Variants in PYGB observed in about 807,000 individuals in gnomAD.
PYGB encodes the protein glycogen phosphorylase B.
PYGB carries 82 observed loss-of-function variants against 94.3 expected under a neutral mutation model. That is an observed-to-expected ratio of 0.87 (90% CI 0.73 to 1.04). The LOEUF is 1.04. PYGB is among the 50% of genes least tolerant of loss of function. The pLI is 0.00. For missense variants in PYGB, 1,132 were observed against 1,158.2 expected (o/e 0.98, Z 0.33); for synonymous variants, 488 against 479.1 (o/e 1.02, Z -0.24).
chr20:25,287,068 GTCCAGGGTGGCCGCTCA>G (rs1177407153), intron 14 of PYGB, among the ~76,000 whole-genome samples: 1 of 152,362 alleles, frequency 6.6e-6, no homozygotes, highest in East Asian at 1.9e-4. Flanking sequence ...GTGAACGCCT[GTCCAGGGTGGCCGCTCA>G]TCCCCTTTTT....
chr20:25,275,958 C>G (rs2088307418), intron 5 of PYGB, among the ~76,000 whole-genome samples: 1 of 152,226 alleles, frequency 6.6e-6, no homozygotes, highest in Admixed American at 6.5e-5. Context: ...CCGGGATGAA[C>G]CCAAGCATCC....
At chr20:25,293,462 T>G (rs1026929850) in intron 17 of PYGB, among the ~76,000 whole-genome samples, 1 of 152,210 alleles carries the variant, frequency 6.6e-6, no homozygotes, top group Admixed American at 6.5e-5. Flanking sequence ...CGGGCCTGAT[T>G]CCAAGCGATA....
chr20:25,250,314 C>G (rs942424645), intron 1 of PYGB, among the ~76,000 whole-genome samples: 1 of 152,200 alleles, frequency 6.6e-6, no homozygotes, highest in Non-Finnish European at 1.5e-5. Context: ...GCGATGGGCT[C>G]AGGGATTACG....
chr20:25,288,112 C>G, intron 14 of PYGB: 1 of 485,556 alleles, frequency 2.1e-6, no homozygotes, highest in Non-Finnish European at 3.8e-6. Context: ...TCCTCTGAGC[C>G]CCGGGGAATA....
At chr20:25,283,087 TG>T in intron 12 of PYGB, 88 bp from the exon 13 acceptor site, 2 of 1,096,536 alleles carry the variant, frequency 1.8e-6, no homozygotes, top group Non-Finnish European at 1.4e-6. Flanking sequence ...AGCAGGGGCG[TG>T]GGCAACAATG....
At chr20:25,296,306 C>A in intron 19 of PYGB, 64 bp from the exon 20 acceptor site, 1 of 1,583,648 alleles carries the variant, frequency 6.3e-7, no homozygotes, top group Admixed American at 1.7e-5. Flanking sequence ...GTTCTGGAAT[C>A]CCATGTTTTT....
At chr20:25,255,691 C>G (rs1052656933) in intron 1 of PYGB, among the ~76,000 whole-genome samples, 1 of 151,908 alleles carries the variant, frequency 6.6e-6, no homozygotes, top group African/African-American at 2.4e-5. Flanking sequence ...CCAGATCTGC[C>G]TGTAGAATGA....
intron 1 of PYGB, among the ~76,000 whole-genome samples, chr20:25,258,412 G>A (rs999169419): frequency 2.0e-5 from 3 of 152,242 alleles, no homozygotes; most frequent in African/African-American, 7.2e-5. Flanking sequence ...ATCAGAAAGT[G>A]TTTGGCCCCT....
intron 17 of PYGB, among the ~76,000 whole-genome samples, chr20:25,292,909 C>G (rs986608474): frequency 1.3e-5 from 2 of 151,930 alleles, no homozygotes; most frequent in Non-Finnish European, 2.9e-5. Context: ...AGGCCTTTTC[C>G]CCTGGGGAGG....
At chr20:25,274,302 G>A (rs1037993496) in intron 4 of PYGB, among the ~76,000 whole-genome samples, 2 of 152,176 alleles carry the variant, frequency 1.3e-5, no homozygotes, top group African/African-American at 2.4e-5. Context: ...CTGAGTGTAG[G>A]TTTTTCAAGC....
In PYGB at chr20:25,296,596, A is replaced by G; in HGVS notation, c.*74A>G. 6.6e-7 allele frequency: 1 copy of G among 1,522,950 alleles called. No individual in the cohort carries two copies. Among genetic ancestry groups the G allele is most frequent in the South Asian group, 1.2e-5 (1 of 80,234 alleles). The allele number at this position is 1,522,950 out of a possible 1,614,324, so 94.3% of individuals were successfully genotyped here. A position where few individuals can be genotyped will look rare whatever the true frequency, so the allele number is the denominator to read the frequency against. ...TTTGCACCTCCTTTTTTCCCCAAAC[A>G]CTTTGCCAGCCACTGGTGGTCCCTG... On this transcript the variant is annotated 3_prime_UTR_variant, in exon 20 of 20. Coordinates refer to ENST00000216962, the MANE Select transcript of PYGB (RefSeq NM_002862.4).
At chr20:25,289,946 C>T (rs749833527) in intron 15 of PYGB, 5 of 533,548 alleles carry the variant, frequency 9.4e-6, no homozygotes, top group South Asian at 7.0e-5. Flanking sequence ...TCATGGGTCC[C>T]CTGCCCAGTT....
At position 25,280,333 on chromosome 20, in the gene PYGB, G is replaced by A. The variant is rs974654301; in HGVS notation, c.1160G>A (p.Arg387His). Residue 387 changes from arginine (R) to histidine (H), a missense_variant, in exon 10 of 20, where the codon CGC becomes CAC. Arg to His is a conservative substitution (Grantham distance 29). Transcript: ENST00000216962. ...ACTGTGCTGCCTGAGGCCTTGGAGC[G>A]CTGGCCCGTGTCCATGTTTGAGAAG... ...NHTVLPEALE[R>H]WPVSMFEKLL... The A allele has an allele frequency of 3.7e-6, 6 of 1,613,906 alleles. No individual in the cohort carries two copies. The highest frequency in any genetic ancestry group is 5.1e-6 in the Non-Finnish European group (6 of 1,179,866).
In PYGB at chr20:25,255,891, G is replaced by A. The variant is rs187096315; in HGVS notation, c.244-3346G>A. Among the ~76,000 whole-genome samples the A allele has an allele frequency of 1.2e-3, 175 of 152,148 alleles. 5 individuals carry two copies. The East Asian group carries it at 0.03, about 26-fold the overall frequency. On this transcript the variant is annotated intron_variant, in intron 1 of 19. Coordinates refer to ENST00000216962, the MANE Select transcript of PYGB (RefSeq NM_002862.4). Reference sequence around the variant, plus strand: ...TGGGATTACAGGTGTGCACCACCACGCCCAGCTAGTTTTGTATTTTTAGTA... The same window carrying A: ...TGGGATTACAGGTGTGCACCACCACACCCAGCTAGTTTTGTATTTTTAGTA...
chr20:25,285,987 G>A (rs1452611692), intron 14 of PYGB, among the ~76,000 whole-genome samples: 1 of 152,232 alleles, frequency 6.6e-6, no homozygotes, highest in Non-Finnish European at 1.5e-5. Flanking sequence ...GAAGATGCCA[G>A]TCTTAACTCC....
At chr20:25,262,273 C>T (rs1029644583) in intron 2 of PYGB, among the ~76,000 whole-genome samples, 2 of 152,232 alleles carry the variant, frequency 1.3e-5, no homozygotes, top group African/African-American at 4.8e-5. Flanking sequence ...AGATTAACAG[C>T]GGATCTCTTC....
chr20:25,251,633 G>A (rs2092888303), intron 1 of PYGB, among the ~76,000 whole-genome samples: 1 of 152,180 alleles, frequency 6.6e-6, no homozygotes, highest in Non-Finnish European at 1.5e-5. Flanking sequence ...AGCAGCCCAT[G>A]CCCAGTTATG....
chr20:25,282,982 G>T (rs2088382137), intron 12 of PYGB, among the ~76,000 whole-genome samples, 194 bp from the exon 13 acceptor site: 1 of 152,182 alleles, frequency 6.6e-6, no homozygotes, highest in Non-Finnish European at 1.5e-5. Context: ...ATCTCGCAGA[G>T]CCCTCTCAGA....
At chr20:25,280,878 G>A (rs2088359871) in intron 10 of PYGB, 71 bp from the exon 11 acceptor site, 2 of 1,536,186 alleles carry the variant, frequency 1.3e-6, no homozygotes, top group Non-Finnish European at 1.8e-6. Context: ...AGTGTCCCCT[G>A]GTCATGGGGA....
Sources: allele counts gnomAD v4.1 joint callset (sites outside exome capture counted in the v4.1 genomes callset), GRCh38; gene constraint gnomAD v4.1.1; transcripts MANE v1.5; gene names NCBI Gene and HGNC (gene_info 2026-07-23, HGNC 2026-07-21).